EML6: variants seen among roughly 807,000 people sequenced by gnomAD.
EML6 encodes the protein EMAP like 6.
EML6 carries 154 observed loss-of-function variants against 240.1 expected under a neutral mutation model. The observed-to-expected ratio is 0.64, with a 90% confidence interval of 0.56 to 0.73. The LOEUF is 0.73. Among genes scored for constraint, EML6 ranks in the 30% least tolerant of loss-of-function variants. The probability of loss-of-function intolerance (pLI) is 0.00; values close to 1 mark genes in which losing one functional copy is unlikely to be tolerated. For missense variants in EML6, 2,964 were observed against 2,474.6 expected, an observed-to-expected ratio of 1.20 and a Z score of -4.20; for synonymous variants, 1,148 against 899.0, an observed-to-expected ratio of 1.28 and a Z score of -4.95.
intron 12 of EML6, 34 bp downstream of exon 12, chr2:54,859,735 AT>A: frequency 6.7e-7 from 1 of 1,497,162 alleles, no homozygotes; most frequent in Non-Finnish European, 8.9e-7. Flanking sequence ...ACATCATTTT[AT>A]TTTTCAATAG....
At chr2:54,839,620 C>CA (rs1669334718) in intron 7 of EML6, among the ~76,000 whole-genome samples, 1 of 152,212 alleles carries the variant, frequency 6.6e-6, no homozygotes, top group African/African-American at 2.4e-5. Flanking sequence ...TCCGCCTTTA[C>CA]GTTGGTTAGT....
intron 2 of EML6, among the ~76,000 whole-genome samples, chr2:54,727,470 A>C (rs1023171819): frequency 1.3e-5 from 2 of 152,244 alleles, no homozygotes; most frequent in Non-Finnish European, 2.9e-5. Flanking sequence ...TTTGTCTTAC[A>C]TATGTAAATA....
Position 54,725,112 on chromosome 2 carries a change from C to T in EML6, c.51C>T (p.Tyr17=). Residue 17 remains tyrosine, a synonymous_variant, in exon 2 of 42, where the codon TAC becomes TAT. Transcript: ENST00000356458. This position sits in a 1 kb window ranked among gnomAD's most constrained non-coding sequence, Gnocchi z 4.3. The stretch of plus-strand genomic sequence containing the variant: ...GCCAGCTCCGGCTGGAGTGGGTGTA[C>T]GGGTACCGGGGTCACCAGTGCCGCA... ...PRCQLRLEWV[Y]GYRGHQCRNN... 1.2e-5 allele frequency: 18 copies of T among 1,538,326 alleles called. No individual in the cohort carries two copies. Among genetic ancestry groups the T allele is most frequent in the Non-Finnish European group, 1.6e-5 (18 of 1,141,260 alleles).
At chr2:54,875,789 G>A (rs143484007) in intron 16 of EML6, among the ~76,000 whole-genome samples, 47 of 152,284 alleles carry the variant, frequency 3.1e-4, no homozygotes, top group African/African-American at 1.1e-3. Context: ...TGTGCTTGCC[G>A]TGAGGAAAGT....
intron 22 of EML6, among the ~76,000 whole-genome samples, chr2:54,902,829 C>T (rs1238983763): frequency 1.3e-5 from 2 of 152,210 alleles, no homozygotes; most frequent in Non-Finnish European, 1.5e-5. Context: ...CCTGCCTCGA[C>T]CTTCCAAAGT....
At position 54,725,295 on chromosome 2, in the gene EML6, G is replaced by A; in HGVS notation, c.197+37G>A. 1 of 1,375,426 alleles carries A rather than the reference G, an allele frequency of 7.3e-7. No homozygotes were observed. The highest frequency in any genetic ancestry group is 9.6e-7 in the Non-Finnish European group (1 of 1,047,004). The allele number at this position is 1,375,426 out of a possible 1,614,324, so 85.2% of individuals were successfully genotyped here. The stretch of plus-strand genomic sequence containing the variant: ...GCCAGGGGCGGCGGGGAGGGGTTGC[G>A]TGTGGAGGCTGGGAAGGTGGGAAGC... On this transcript the variant is annotated intron_variant, in intron 2 of 41. Coordinates refer to ENST00000356458, the MANE Select transcript of EML6 (RefSeq NM_001039753.4). This position sits in a 1 kb window ranked among gnomAD's most constrained non-coding sequence, Gnocchi z 4.3.
At chr2:54,791,770 C>T (rs1488377377) in intron 2 of EML6, among the ~76,000 whole-genome samples, 3 of 152,134 alleles carry the variant, frequency 2.0e-5, no homozygotes, top group Non-Finnish European at 4.4e-5. Flanking sequence ...CGTTTGCCCT[C>T]CGCTTGTGAA....
chr2:54,855,002 T>A (rs957218304), intron 11 of EML6, among the ~76,000 whole-genome samples: 1 of 152,228 alleles, frequency 6.6e-6, no homozygotes, highest in Admixed American at 6.5e-5. Flanking sequence ...GGAATAAACA[T>A]AACTCGATGA....
At position 54,928,302 on chromosome 2, in the gene EML6, G is replaced by A. The variant is rs749632822; in HGVS notation, c.3676-11G>A. The A allele has an allele frequency of 1.7e-5, 26 of 1,550,466 alleles. No individual in the cohort carries two copies. The highest frequency in any genetic ancestry group is 1.7e-4 in the Middle Eastern group (1 of 6,002). ...AGTGGCTGGGGTAATAACCAATTTCGGGCTTTACAGGGACAGCACGCAAGA... is the reference window on the plus strand; with the variant it reads ...AGTGGCTGGGGTAATAACCAATTTCAGGCTTTACAGGGACAGCACGCAAGA... On this transcript the variant is annotated splice_polypyrimidine_tract_variant and intron_variant, in intron 26 of 41. Coordinates refer to ENST00000356458, the MANE Select transcript of EML6 (RefSeq NM_001039753.4).
At chr2:54,796,733 A>G (rs1217266471) in intron 2 of EML6, among the ~76,000 whole-genome samples, 3 of 152,156 alleles carry the variant, frequency 2.0e-5, no homozygotes, top group African/African-American at 7.2e-5. Flanking sequence ...CAAAGCGCCT[A>G]CTTGGGAGAA....
intron 2 of EML6, among the ~76,000 whole-genome samples, chr2:54,742,133 G>A (rs914228804): frequency 1.3e-5 from 2 of 152,178 alleles, no homozygotes; most frequent in East Asian, 1.9e-4. Context: ...CTCTATGCTA[G>A]CACTGGAATT....
chr2:54,971,518 T>C lies in EML6; in HGVS notation c.*1423T>C, dbSNP rs941918090. ...AGGTAAAATGAGGCATTTTCAATTG[T>C]AGAATAGACTAACATTTACCACAGA... On this transcript the variant is annotated 3_prime_UTR_variant, in exon 42 of 42. Transcript: ENST00000356458. The C allele has an allele frequency of 6.6e-6, 1 of 152,246 alleles. No individual in the cohort carries two copies. The highest frequency in any genetic ancestry group is 2.4e-5 in the African/African-American group (1 of 41,462). The allele number at this position is 152,246 out of a possible 1,614,324, so 9.4% of individuals were successfully genotyped here.
rs1341469854 is a variant in EML6, at chr2:54,725,310, AG to A, written c.197+54del. ...GAGGGGTTGCGTGTGGAGGCTGGGA[AG>A]GTGGGAAGCGGTTGACCTGGGGTCG... On this transcript the variant is annotated intron_variant, in intron 2 of 41. Coordinates refer to ENST00000356458, the MANE Select transcript of EML6 (RefSeq NM_001039753.4). This position sits in a 1 kb window ranked among gnomAD's most constrained non-coding sequence, Gnocchi z 4.3. 4 of 1,335,526 alleles carry A rather than the reference AG, an allele frequency of 3.0e-6. No individual in the cohort carries two copies. The highest frequency in any genetic ancestry group is 3.9e-6 in the Non-Finnish European group (4 of 1,015,682). 82.7% of individuals were successfully genotyped at this position (1,335,526 alleles called of 1,614,324 possible).
intron 15 of EML6, among the ~76,000 whole-genome samples, 163 bp downstream of exon 15, chr2:54,869,530 A>G (rs1260805845): frequency 6.6e-6 from 1 of 152,258 alleles, no homozygotes; most frequent in African/African-American, 2.4e-5. Context: ...GGGAGAATCA[A>G]GCAAAGCATT....
chr2:54,928,790 G>C (rs778943983), intron 28 of EML6, 39 bp downstream of exon 28: 3 of 1,550,804 alleles, frequency 1.9e-6, no homozygotes, highest in East Asian at 2.4e-5. Flanking sequence ...TATTATACCT[G>C]ATGACAAGAA....
intron 11 of EML6, among the ~76,000 whole-genome samples, chr2:54,855,327 A>G (rs542197046): frequency 6.6e-6 from 1 of 152,262 alleles, no homozygotes; most frequent in South Asian, 2.1e-4. Context: ...AGACAGAGCT[A>G]GAGCAGGGTT....
chr2:54,904,680 T>A (rs1673226043), intron 24 of EML6, among the ~76,000 whole-genome samples: 1 of 152,164 alleles, frequency 6.6e-6, no homozygotes, highest in African/African-American at 2.4e-5. Context: ...CAGGCTGGGA[T>A]AGAGCAGAAC....
intron 2 of EML6, among the ~76,000 whole-genome samples, chr2:54,777,538 G>C (rs886709886): frequency 1.3e-5 from 2 of 152,128 alleles, no homozygotes; most frequent in African/African-American, 4.8e-5. Flanking sequence ...ACACTGGTAT[G>C]ATCTTGCTTT....
At chr2:54,922,351 T>A (rs965325207) in intron 26 of EML6, among the ~76,000 whole-genome samples, 3 of 152,134 alleles carry the variant, frequency 2.0e-5, no homozygotes, top group African/African-American at 4.8e-5. Context: ...ATCACAGATA[T>A]CACCTCACAC....
Sources: gnomAD v4.1 joint callset for allele counts (sites outside exome capture counted in the v4.1 genomes callset) on GRCh38, gnomAD v4.1.1 for gene constraint, Gnocchi (gnomAD v3.1) non-coding constraint, MANE v1.5 for transcripts, NCBI Gene and HGNC (gene_info 2026-07-23, HGNC 2026-07-21) for gene names.